MACROD2: variants seen among roughly 807,000 people sequenced by gnomAD.
MACROD2 encodes the protein ADP-ribose glycohydrolase MACROD2.
In MACROD2, 36 loss-of-function variants were observed where a neutral mutation model predicts 70.4. The ratio of observed to expected loss-of-function variants is 0.51; its 90% CI spans 0.39 to 0.68. The LOEUF is 0.68. Among genes scored for constraint, MACROD2 ranks in the 30% least tolerant of loss-of-function variants. The pLI is 0.00. For synonymous variants in MACROD2, 172 were observed against 178.8 expected (o/e 0.96, Z 0.30); for missense variants, 496 against 538.4 (o/e 0.92, Z 0.78).
At chr20:15,227,787 T>G (rs932576899) in intron 5 of MACROD2, among the ~76,000 whole-genome samples, 4 of 148,574 alleles carry the variant, frequency 2.7e-5, no homozygotes, top group Non-Finnish European at 5.9e-5. Context: ...CACTGAAGTC[T>G]TGCAGTAAGG....
rs766970143 is a variant in MACROD2, at chr20:16,052,243, A to G, written c.*2367A>G. On this transcript the variant is annotated 3_prime_UTR_variant, in exon 18 of 18. Transcript: ENST00000684519. ...AAACAAATGATAAAGTTAATTTCCAATTCAATAGTGAAATATTAACAATCT... is the reference window on the plus strand; with the variant it reads ...AAACAAATGATAAAGTTAATTTCCAGTTCAATAGTGAAATATTAACAATCT... 1.3e-5 allele frequency: 2 copies of G among 152,216 alleles called. No homozygotes were observed. Among genetic ancestry groups the G allele is most frequent in the Non-Finnish European group, 1.5e-5 (1 of 68,046 alleles). The allele number at this position is 152,216 out of a possible 1,614,324, so 9.4% of individuals were successfully genotyped here. A position where few individuals can be genotyped will look rare whatever the true frequency, so the allele number is the denominator to read the frequency against.
At chr20:14,681,014 A>G (rs187786419) in intron 4 of MACROD2, among the ~76,000 whole-genome samples, 9 of 152,314 alleles carry the variant, frequency 5.9e-5, no homozygotes, top group Admixed American at 1.3e-4. Context: ...AATAAGATAT[A>G]TGAATGGCCA....
chr20:14,832,708 G>A (rs2072985286), intron 5 of MACROD2, among the ~76,000 whole-genome samples: 1 of 152,120 alleles, frequency 6.6e-6, no homozygotes, highest in South Asian at 2.1e-4. Context: ...AAAAAATGTT[G>A]AGATGCTACT....
chr20:15,692,221 G>A (rs2146879696), intron 8 of MACROD2, among the ~76,000 whole-genome samples: 1 of 152,154 alleles, frequency 6.6e-6, no homozygotes, highest in East Asian at 1.9e-4. Context: ...ACTGATTGAT[G>A]GATTGAGACT....
intron 3 of MACROD2, among the ~76,000 whole-genome samples, chr20:14,281,754 G>T (rs974635567): frequency 2.0e-5 from 3 of 151,712 alleles, no homozygotes; most frequent in East Asian, 3.9e-4. Context: ...GACCAAAATG[G>T]TGAAACCCTG....
intron 6 of MACROD2, among the ~76,000 whole-genome samples, chr20:15,314,679 C>T (rs777101737): frequency 6.6e-6 from 1 of 152,108 alleles, no homozygotes; most frequent in East Asian, 1.9e-4. Flanking sequence ...GGTGAAAAAG[C>T]AGTGGGTATT....
At chr20:14,274,732 G>A (rs1052357558) in intron 3 of MACROD2, among the ~76,000 whole-genome samples, 2 of 152,058 alleles carry the variant, frequency 1.3e-5, no homozygotes, top group African/African-American at 4.8e-5. Flanking sequence ...TGACATGATT[G>A]TATATGTAGA....
chr20:14,336,492 C>A (rs2082939546), intron 3 of MACROD2, among the ~76,000 whole-genome samples: 1 of 152,108 alleles, frequency 6.6e-6, no homozygotes, highest in South Asian at 2.1e-4. Flanking sequence ...CATTTAACTA[C>A]TTTTTCAAGC....
At chr20:15,436,048 C>T (rs2046424055) in intron 7 of MACROD2, among the ~76,000 whole-genome samples, 1 of 151,954 alleles carries the variant, frequency 6.6e-6, no homozygotes, top group Non-Finnish European at 1.5e-5. Flanking sequence ...TTGGTTAGTC[C>T]CCCTGGGGTT....
intron 5 of MACROD2, among the ~76,000 whole-genome samples, chr20:15,178,407 C>T (rs937367549): frequency 1.3e-5 from 2 of 152,170 alleles, no homozygotes; most frequent in Non-Finnish European, 1.5e-5. Context: ...TTAATCCTCA[C>T]AATTATTCTG....
In MACROD2 at chr20:16,051,235, AACTT is replaced by A. The variant is rs2067454853; in HGVS notation, c.*1365_*1368del. 1 of 152,192 alleles carries A rather than the reference AACTT, an allele frequency of 6.6e-6. No individual in the cohort carries two copies. Among genetic ancestry groups the A allele is most frequent in the East Asian group, 1.9e-4 (1 of 5,198 alleles). The allele number at this position is 152,192 out of a possible 1,614,324, so 9.4% of individuals were successfully genotyped here. On this transcript the variant is annotated 3_prime_UTR_variant, in exon 18 of 18. Coordinates refer to ENST00000684519, the MANE Select transcript of MACROD2 (RefSeq NM_001351661.2). ...TTCCTTGTAAGGGCTTTAGAACTAA[AACTT>A]ACTTATATTGTTTTTCCTTAACAGA...
intron 6 of MACROD2, among the ~76,000 whole-genome samples, chr20:15,315,151 G>A (rs2423920): frequency 0.6 from 91,920 of 151,962 alleles, 28,943 homozygotes; most frequent in African/African-American, 0.79. Flanking sequence ...AAAGTGAACA[G>A]AGCCTAAAAA....
intron 5 of MACROD2, among the ~76,000 whole-genome samples, chr20:15,223,793 C>T (rs2076881472): frequency 6.6e-6 from 1 of 152,134 alleles, no homozygotes; most frequent in Admixed American, 6.5e-5. Context: ...TTTTTTACTG[C>T]TCTTCCCATC....
intron 4 of MACROD2, among the ~76,000 whole-genome samples, chr20:14,669,112 A>G (rs1428660395): frequency 6.6e-6 from 1 of 152,160 alleles, no homozygotes; most frequent in East Asian, 1.9e-4. Context: ...GCTCCTCTTA[A>G]TAAATAATGG....
intron 8 of MACROD2, among the ~76,000 whole-genome samples, chr20:15,507,598 T>A (rs1023562054): frequency 6.6e-6 from 1 of 151,894 alleles, no homozygotes; most frequent in African/African-American, 2.4e-5. Flanking sequence ...ATTGTCGGGA[T>A]TTGTGACAAG....
At chr20:15,296,995 T>C (rs968599503) in intron 6 of MACROD2, among the ~76,000 whole-genome samples, 3 of 152,136 alleles carry the variant, frequency 2.0e-5, no homozygotes, top group Non-Finnish European at 4.4e-5. Flanking sequence ...TTGTTTGGCC[T>C]TCATTTCCCT....
At chr20:16,015,624 T>G in intron 15 of MACROD2, among the ~76,000 whole-genome samples, 2 of 152,338 alleles carry the variant, frequency 1.3e-5, no homozygotes, top group Non-Finnish European at 2.9e-5. Flanking sequence ...ATCCTTACAA[T>G]GAGTCTTTCT....
At chr20:15,109,182 G>GA (rs889155934) in intron 5 of MACROD2, among the ~76,000 whole-genome samples, 1 of 152,222 alleles carries the variant, frequency 6.6e-6, no homozygotes, top group Admixed American at 6.5e-5. Flanking sequence ...GTCCTTTATA[G>GA]AAAAAACATT....
At chr20:14,347,848 C>T (rs550170238) in intron 3 of MACROD2, among the ~76,000 whole-genome samples, 153 of 152,296 alleles carry the variant, frequency 1.0e-3, no homozygotes, top group Middle Eastern at 3.4e-3. Flanking sequence ...ACCCACACAT[C>T]CATTAGGAAT....
Sources: gnomAD v4.1 joint callset for allele counts (sites outside exome capture counted in the v4.1 genomes callset) on GRCh38, gnomAD v4.1.1 for gene constraint, MANE v1.5 for transcripts, NCBI Gene and HGNC (gene_info 2026-07-23, HGNC 2026-07-21) for gene names.